CD47: variants seen among roughly 807,000 people sequenced by gnomAD.
CD47 encodes the protein CD47 molecule.
A neutral mutation model predicts 44.6 loss-of-function variants in CD47; 11 were observed. That is an observed-to-expected ratio of 0.25 (90% CI 0.16 to 0.41). CD47 has a LOEUF of 0.41. Ranked by LOEUF, CD47 falls within the 10% of genes least tolerant of loss-of-function variation. CD47 has a pLI of 1.00. For missense variants in CD47, 306 were observed against 386.7 expected (o/e 0.79, Z 1.75); for synonymous variants, 140 against 136.3 (o/e 1.03, Z -0.19).
At chr3:108,061,835 T>C (rs1054992096) in intron 3 of CD47, among the ~76,000 whole-genome samples, 1 of 152,224 alleles carries the variant, frequency 6.6e-6, no homozygotes, top group Non-Finnish European at 1.5e-5. Context: ...CAGTAATCAA[T>C]TGGTGGCTGT....
At chr3:108,064,472 T>G (rs1312619677) in intron 3 of CD47, among the ~76,000 whole-genome samples, 1 of 152,170 alleles carries the variant, frequency 6.6e-6, no homozygotes, top group Non-Finnish European at 1.5e-5. Context: ...TTTTCTGATT[T>G]TGTGACCAAT....
At chr3:108,062,612 GTTC>G (rs890730011) in intron 3 of CD47, among the ~76,000 whole-genome samples, 3 of 149,962 alleles carry the variant, frequency 2.0e-5, no homozygotes, top group African/African-American at 7.3e-5. Flanking sequence ...GTTGACTTAT[GTTC>G]TTCTTCTATA....
At chr3:108,050,007 A>G (rs2078798264) in intron 9 of CD47, among the ~76,000 whole-genome samples, 1 of 152,210 alleles carries the variant, frequency 6.6e-6, no homozygotes, top group Non-Finnish European at 1.5e-5. Context: ...CCAGTAGCAA[A>G]AGGCAACGAT....
chr3:108,062,977 T>TA (rs2079042499), intron 3 of CD47, among the ~76,000 whole-genome samples: 6 of 152,030 alleles, frequency 3.9e-5, no homozygotes, highest in Admixed American at 3.9e-4. Context: ...TTAACAAAAA[T>TA]AAGAGTTTGA....
rs777556173 is a variant in CD47, at chr3:108,057,479, A to G, written c.875T>C (p.Val292Ala). ...QLLGLVYMKF[V>A]ASNQKTIQPP... ...TAATGAAAATAAGATTGACTTACCC[A>G]CAAATTTCATATAAACTAGTCCAAG... Residue 292 changes from valine to alanine, a missense_variant and splice_region_variant, in exon 7 of 11, where the codon GTG becomes GCG. By Grantham distance (64) the Val-to-Ala change is moderately conservative (BLOSUM62 0). This residue lies in a region of CD47 where 131 missense variants were observed against 135.3 expected (regional missense o/e 0.97). Coordinates refer to ENST00000361309, the MANE Select transcript of CD47 (RefSeq NM_001777.4). 1 of 1,434,746 alleles carries G rather than the reference A, an allele frequency of 7.0e-7. No homozygotes were observed. Among genetic ancestry groups the G allele is most frequent in the South Asian group, 1.2e-5 (1 of 85,878 alleles). The allele number at this position is 1,434,746 out of a possible 1,614,324, so 88.9% of individuals were successfully genotyped here. A position where few individuals can be genotyped will look rare whatever the true frequency, so the allele number is the denominator to read the frequency against.
intron 8 of CD47, 134 bp downstream of exon 8, chr3:108,051,805 G>C: frequency 4.1e-6 from 3 of 739,936 alleles, no homozygotes; most frequent in East Asian, 2.7e-5. Flanking sequence ...TTCATGCAAA[G>C]GTCATGCAAT....
intron 8 of CD47, chr3:108,050,881 T>C: frequency 2.4e-6 from 1 of 419,618 alleles, no homozygotes; most frequent in South Asian, 1.9e-5. Flanking sequence ...AAATTCTAAC[T>C]TCTAAAAATA....
chr3:108,067,337 C>A (rs187833978), intron 3 of CD47, among the ~76,000 whole-genome samples: 2 of 152,164 alleles, frequency 1.3e-5, no homozygotes, highest in African/African-American at 2.4e-5. Context: ...TATGGTCTTG[C>A]GGTTTTGTGC....
intron 1 of CD47, among the ~76,000 whole-genome samples, chr3:108,084,976 G>A (rs934140362): frequency 2.6e-5 from 4 of 151,964 alleles, no homozygotes; most frequent in Non-Finnish European, 5.9e-5. Context: ...TGTTCTAAAT[G>A]CAAATGTGCA....
At chr3:108,088,839 C>T (rs894288683) in intron 1 of CD47, among the ~76,000 whole-genome samples, 6 of 152,178 alleles carry the variant, frequency 3.9e-5, no homozygotes, top group African/African-American at 1.4e-4. Context: ...CATTAAGGTG[C>T]CTTCCAGTTT....
chr3:108,051,672 TAG>T (rs1011125767), intron 8 of CD47: 2 of 582,074 alleles, frequency 3.4e-6, no homozygotes, highest in African/African-American at 3.7e-5. Flanking sequence ...AGAGATAATA[TAG>T]CCATTATTCC....
At chr3:108,067,083 T>C (rs2108246769) in intron 3 of CD47, among the ~76,000 whole-genome samples, 1 of 152,316 alleles carries the variant, frequency 6.6e-6, no homozygotes, top group Middle Eastern at 3.4e-3. Context: ...AACACACAAG[T>C]GTTGTTCAAA....
At chr3:108,053,687 T>C (rs1457103712) in intron 7 of CD47, 1 of 152,240 alleles carries the variant, frequency 6.6e-6, no homozygotes, top group East Asian at 1.9e-4. Context: ...CCCACCCCTG[T>C]GAGGCCCAGT....
chr3:108,074,606 A>G (rs1413441462), intron 2 of CD47, among the ~76,000 whole-genome samples: 3 of 149,682 alleles, frequency 2.0e-5, no homozygotes, highest in African/African-American at 7.4e-5. Flanking sequence ...GGGCTGCCAC[A>G]CCTGGCCTGT....
At position 108,061,759 on chromosome 3, in the gene CD47, G is replaced by A. The variant is rs72948531; in HGVS notation, c.491-907C>T. ...AGGCAACCTAAAAGCAAACTGAGTA[G>A]CGGAAAGAAACAGCGTGTGATTGAA... On this transcript the variant is annotated intron_variant, in intron 3 of 10. Transcript: ENST00000361309. Among the ~76,000 whole-genome samples, 654 of 152,282 alleles carry A rather than the reference G, an allele frequency of 4.3e-3. 5 individuals are homozygous for A. Among genetic ancestry groups the A allele is most frequent in the African/African-American group, 0.015 (617 of 41,560 alleles).
chr3:108,082,101 T>C (rs987036188), intron 1 of CD47, among the ~76,000 whole-genome samples: 1 of 151,920 alleles, frequency 6.6e-6, no homozygotes, highest in Non-Finnish European at 1.5e-5. Context: ...GATGTTCAAA[T>C]TATAAAGGAA....
intron 1 of CD47, among the ~76,000 whole-genome samples, chr3:108,089,238 GTAAAA>G (rs1277212569): frequency 1.3e-5 from 2 of 151,948 alleles, no homozygotes; most frequent in African/African-American, 2.4e-5. Context: ...TATTAACTAA[GTAAAA>G]TAAAATACTA....
chr3:108,049,538 C>A (rs950083476), intron 10 of CD47, 81 bp downstream of exon 10: 1 of 847,820 alleles, frequency 1.2e-6, no homozygotes, highest in African/African-American at 1.7e-5. Context: ...TAAAAAAGAG[C>A]CACATTTTCA....
chr3:108,078,078 T>C (rs1268118789), intron 2 of CD47, among the ~76,000 whole-genome samples: 1 of 152,042 alleles, frequency 6.6e-6, no homozygotes, highest in Admixed American at 6.6e-5. Context: ...TTGTGTCACA[T>C]AAGAGGAAAC....
Sources: gnomAD v4.1 joint callset for allele counts (sites outside exome capture counted in the v4.1 genomes callset) on GRCh38, gnomAD v4.1.1 for gene constraint, gnomAD v4.1.1 regional missense constraint, MANE v1.5 for transcripts, NCBI Gene and HGNC (gene_info 2026-07-23, HGNC 2026-07-21) for gene names.